Variants in EPHA2 observed in about 807,000 individuals in gnomAD.
EPHA2 encodes ephrin type-A receptor 2.
A neutral mutation model predicts 104.9 loss-of-function variants in EPHA2; 54 were observed. The ratio of observed to expected loss-of-function variants is 0.51; its 90% CI spans 0.41 to 0.65. The LOEUF (loss-of-function observed/expected upper bound fraction) is 0.65. EPHA2 is among the 30% of genes least tolerant of loss of function. The pLI is 0.00. For missense variants in EPHA2, 1,117 were observed against 1,369.5 expected (o/e 0.82, Z 2.91); for synonymous variants, 560 against 559.1 (o/e 1.00, Z -0.02).
At chr1:16,143,982 T>G (rs903216254) in intron 3 of EPHA2, among the ~76,000 whole-genome samples, 3 of 152,050 alleles carry the variant, frequency 2.0e-5, no homozygotes, top group Admixed American at 6.5e-5. Context: ...ACACACACCC[T>G]AGGGAGCTAT....
chr1:16,126,482 T>G (rs917753557), intron 16 of EPHA2, among the ~76,000 whole-genome samples: 1 of 152,032 alleles, frequency 6.6e-6, no homozygotes, highest in Non-Finnish European at 1.5e-5. Context: ...CCCAGGTGAG[T>G]TGGGGGGACT....
Position 16,134,078 on chromosome 1 carries a change from T to C in EPHA2, c.1683-163A>G, listed in dbSNP as rs1175506685. On this transcript the variant is annotated intron_variant, in intron 8 of 16. Transcript: ENST00000358432. This position sits in a 1 kb window ranked among gnomAD's most constrained non-coding sequence, Gnocchi z 4.5. ...CAAGCTCCACTCTCAGGGCCGAGGG[T>C]GCGGAGAAGGCGGGTGGAGGAACAG... Among the ~76,000 whole-genome samples the C allele has an allele frequency of 2.6e-5, 4 of 151,890 alleles. No homozygotes were observed. In the East Asian group the frequency reaches 5.8e-4, roughly 22 times the overall value.
chr1:16,137,388 G>T (rs2024732663), intron 5 of EPHA2, among the ~76,000 whole-genome samples: 1 of 151,894 alleles, frequency 6.6e-6, no homozygotes, highest in Non-Finnish European at 1.5e-5. Context: ...CGCAAGGTCA[G>T]GAGATCGAGA....
chr1:16,141,150 T>G (rs3820609), intron 3 of EPHA2, among the ~76,000 whole-genome samples: 87,414 of 152,062 alleles, frequency 0.57, 25,735 homozygotes, highest in East Asian at 0.86. Flanking sequence ...AGCCAGAAAC[T>G]CCTGACGAAT....
At position 16,155,961 on chromosome 1, in the gene EPHA2, C is replaced by T; in HGVS notation, c.-29G>A. The T allele has an allele frequency of 6.8e-7, 1 of 1,472,726 alleles. No individual in the cohort carries two copies. Among genetic ancestry groups the T allele is most frequent in the Non-Finnish European group, 8.9e-7 (1 of 1,118,022 alleles). 91.2% of individuals were successfully genotyped at this position (1,472,726 alleles called of 1,614,324 possible). A position where few individuals can be genotyped will look rare whatever the true frequency, so the allele number is the denominator to read the frequency against. The stretch of plus-strand genomic sequence containing the variant: ...GCGCTTCTCGCTCTCGGTCCGATCC[C>T]CCCGAGCCCGGCTCCCGCACACCCG... On this transcript the variant is annotated 5_prime_UTR_variant, in exon 1 of 17. Transcript: ENST00000358432.
At position 16,136,303 on chromosome 1, in the gene EPHA2, A is replaced by AAATAATAATAATAAT. The variant is rs35523202; in HGVS notation, c.1313-548_1313-534dup. ...AGGTGCCCCATATTTACGAGTGCAT[A>AAATAATAATAATAAT]AATAATAATAATAATAATAATAATA... On this transcript the variant is annotated intron_variant, in intron 5 of 16. Transcript: ENST00000358432. 9.9e-3 allele frequency among the ~76,000 whole-genome samples: 1,397 copies of AAATAATAATAATAAT among 140,970 alleles called. 22 individuals carry two copies. The highest frequency in any genetic ancestry group is 0.03 in the African/African-American group (1,149 of 38,780). 92.5% of individuals were successfully genotyped at this position (140,970 alleles called of 152,430 possible). A position where few individuals can be genotyped will look rare whatever the true frequency, so the allele number is the denominator to read the frequency against.
intron 3 of EPHA2, among the ~76,000 whole-genome samples, chr1:16,145,542 C>A (rs2024917513): frequency 6.6e-6 from 1 of 152,162 alleles, no homozygotes; most frequent in Non-Finnish European, 1.5e-5. Flanking sequence ...CCAGCAGGAG[C>A]CCCAGTGAAA....
rs41269181 is a variant in EPHA2, at chr1:16,124,855, C to T, written c.*360G>A. On this transcript the variant is annotated 3_prime_UTR_variant, in exon 17 of 17. Coordinates refer to ENST00000358432, the MANE Select transcript of EPHA2 (RefSeq NM_004431.5). ...TGTTTACTTGGCGCTGGGCCAAGCC[C>T]TCCATCTCCTGAGATGGCCTCATGT... 1.6e-3 allele frequency: 444 copies of T among 284,510 alleles called. 3 individuals are homozygous for T. The highest frequency in any genetic ancestry group is 2.6e-3 in the Non-Finnish European group (368 of 142,836). The allele number at this position is 284,510 out of a possible 1,614,324, so 17.6% of individuals were successfully genotyped here.
rs565773014 is a variant in EPHA2 at position 16,124,424 on chromosome 1, C to G, written c.*791G>C. 2 of 152,394 alleles carry G rather than the reference C, an allele frequency of 1.3e-5. No individual in the cohort carries two copies. The highest frequency in any genetic ancestry group is 2.9e-5 in the Non-Finnish European group (2 of 68,010). 9.4% of individuals were successfully genotyped at this position (152,394 alleles called of 1,614,324 possible). A position where few individuals can be genotyped will look rare whatever the true frequency, so the allele number is the denominator to read the frequency against. On this transcript the variant is annotated 3_prime_UTR_variant, in exon 17 of 17. Coordinates refer to ENST00000358432, the MANE Select transcript of EPHA2 (RefSeq NM_004431.5). ...ATAAAAAAAATAATAAATTAAGATT[C>G]GAAAAAAATGTCCAACAAAACAAAA...
At chr1:16,153,206 G>C in intron 1 of EPHA2, 1 of 985,122 alleles carries the variant, frequency 1.0e-6, no homozygotes, top group Non-Finnish European at 1.2e-6. Flanking sequence ...GGTCCACATT[G>C]CTCCACAGCT....
At position 16,137,896 on chromosome 1, in the gene EPHA2, G is replaced by A; in HGVS notation, c.1269C>T (p.Thr423=). ...CACTGGCAGTACGGAAGCTGCGGCTGGTTACCAGGCCTGAGACGCCATTGC... is the reference window on the plus strand; with the variant it reads ...CACTGGCAGTACGGAAGCTGCGGCTAGTTACCAGGCCTGAGACGCCATTGC... The part of the protein sequence containing the change: ...EARNGVSGLV[T]SRSFRTASVS... Residue 423 remains threonine, a synonymous_variant, in exon 5 of 17, where the codon ACC becomes ACT. Transcript: ENST00000358432. 1 of 1,613,950 alleles carries A rather than the reference G, an allele frequency of 6.2e-7. No homozygotes were observed.
Position 16,135,721 on chromosome 1 carries a change from G to A in EPHA2, c.1362C>T (p.Val454=), listed in dbSNP as rs138516596. The change falls in exon 6 of 17, where the codon GTC becomes GTT. Residue 454 remains valine (V), a synonymous_variant. Coordinates refer to ENST00000358432, the MANE Select transcript of EPHA2 (RefSeq NM_004431.5). The surrounding 1 kb of genome is among the most constrained non-coding windows in gnomAD (Gnocchi z 4.3). ...GCTGCGGCGGGGGGATGCTCCAGGA[G>A]ACGCTAAGCGAGGTGGTGCTGCGGC... is the stretch of plus-strand genomic sequence containing the variant. ...LEGRSTTSLS[V]SWSIPPPQQS... 15 of 1,613,618 alleles carry A rather than the reference G, an allele frequency of 9.3e-6. No individual in the cohort carries two copies. In the African/African-American group the frequency reaches 1.7e-4, roughly 19 times the overall value.
intron 1 of EPHA2, chr1:16,155,391 C>G (rs750283825): frequency 6.6e-6 from 1 of 152,314 alleles, no homozygotes; most frequent in Admixed American, 6.5e-5. Context: ...GGGGCTCCCG[C>G]CCGCCCGAGC....
intron 12 of EPHA2, 48 bp downstream of exon 12, chr1:16,132,330 C>A (rs554687807): frequency 6.2e-7 from 1 of 1,614,104 alleles, no homozygotes; most frequent in African/African-American, 1.3e-5. Flanking sequence ...AGGCCAGCCC[C>A]GGGCTCAATG....
At position 16,132,067 on chromosome 1, in the gene EPHA2, G is replaced by C; in HGVS notation, c.2322C>G (p.Thr774=). 3 of 1,614,140 alleles carry C rather than the reference G, an allele frequency of 1.9e-6. No homozygotes were observed. Among genetic ancestry groups the C allele is most frequent in the Non-Finnish European group, 2.5e-6 (3 of 1,180,036 alleles). Residue 774 remains threonine (T), a synonymous_variant, in exon 13 of 17, where the codon ACC becomes ACG. Transcript: ENST00000358432. ...LEDDPEATYT[T]SGGKIPIRWT... is the part of the protein sequence containing the mutation. Reference sequence around the variant, plus strand: ...GAGGTCCCCTTCCCCAACTTACACTGGTGGTGTAGGTGGCCTCGGGGTCGT... The same window carrying C: ...GAGGTCCCCTTCCCCAACTTACACTCGTGGTGTAGGTGGCCTCGGGGTCGT...
rs1284275131 is a variant in EPHA2 at position 16,128,211 on chromosome 1, C to T, written c.2825+1223G>A. Among the ~76,000 whole-genome samples, 1 of 152,226 alleles carries T rather than the reference C, an allele frequency of 6.6e-6. No homozygotes were observed. The highest frequency in any genetic ancestry group is 2.4e-5 in the African/African-American group (1 of 41,458). On this transcript the variant is annotated intron_variant, in intron 16 of 16. Coordinates refer to ENST00000358432, the MANE Select transcript of EPHA2 (RefSeq NM_004431.5). This position sits in a 1 kb window ranked among gnomAD's most constrained non-coding sequence, Gnocchi z 4.7. ...ATCAAGGTCACCCGCTAGGAAGTGG[C>T]AGATGCGGGACTTGAACCCAGGTAT... is the stretch of plus-strand genomic sequence containing the variant.
In EPHA2 at chr1:16,133,241, G is replaced by C. The variant is rs202219460; in HGVS notation, c.1992C>G (p.Ala664=). 6.2e-7 allele frequency: 1 copy of C among 1,613,826 alleles called. No individual in the cohort carries two copies. Among genetic ancestry groups the C allele is most frequent in the Non-Finnish European group, 8.5e-7 (1 of 1,179,908 alleles). Residue 664 remains alanine (A), a synonymous_variant, in exon 11 of 17, where the codon GCC becomes GCG. Transcript: ENST00000358432. ...EKQRVDFLGE[A]GIMGQFSHHN... ...GGTGGCTGAACTGGCCCATGATGCC[G>C]GCCTCGCCGAGGAAGTCCACTCGCT...
intron 16 of EPHA2, among the ~76,000 whole-genome samples, 185 bp downstream of exon 16, chr1:16,129,249 T>C (rs1276811573): frequency 1.3e-5 from 2 of 151,010 alleles, no homozygotes; most frequent in African/African-American, 2.4e-5. Flanking sequence ...GAGCTGAGAG[T>C]GGGCACCCAG....
intron 3 of EPHA2, among the ~76,000 whole-genome samples, chr1:16,143,264 A>T (rs1422833922): frequency 1.3e-5 from 2 of 151,894 alleles, no homozygotes; most frequent in Admixed American, 6.6e-5. Flanking sequence ...GGACAGGTGG[A>T]TGGAAGAGTG....
Sources: allele counts gnomAD v4.1 joint callset (sites outside exome capture counted in the v4.1 genomes callset), GRCh38; gene constraint gnomAD v4.1.1; non-coding constraint Gnocchi (gnomAD v3.1); transcripts MANE v1.5; gene names NCBI Gene and HGNC (gene_info 2026-07-23, HGNC 2026-07-21).